The following FBXO47 variants were observed in gnomAD, a reference collection of about 807,000 sequenced individuals.
The protein encoded by FBXO47 is F-box protein 47, also known as F-box only protein 47.
FBXO47 carries 34 observed loss-of-function variants against 53.9 expected under a neutral mutation model. The ratio of observed to expected loss-of-function variants is 0.63; its 90% CI spans 0.48 to 0.84. FBXO47 has a LOEUF of 0.84. FBXO47 is among the 40% of genes least tolerant of loss of function. The probability of loss-of-function intolerance (pLI) is 0.00; values close to 1 mark genes in which losing one functional copy is unlikely to be tolerated. For synonymous variants in FBXO47, 165 were observed against 181.6 expected (o/e 0.91, Z 0.73); for missense variants, 485 against 541.3 (o/e 0.90, Z 1.03).
At chr17:38,943,913 C>T (rs9908180) in intron 7 of FBXO47, among the ~76,000 whole-genome samples, 177 bp from the exon 8 acceptor site, 57,574 of 151,954 alleles carry the variant, frequency 0.38, 11,186 homozygotes, top group East Asian at 0.5. Context: ...CGTCTCTGGC[C>T]GGGCGTGGTG....
intron 9 of FBXO47, among the ~76,000 whole-genome samples, chr17:38,939,869 T>A (rs1904431295): frequency 6.6e-6 from 1 of 150,684 alleles, no homozygotes; most frequent in Non-Finnish European, 1.5e-5. Flanking sequence ...GGGTTTCACC[T>A]TGTTAGCCAG....
At chr17:38,943,556 T>C (rs1208104715) in intron 8 of FBXO47, 34 bp downstream of exon 8, 4 of 1,327,134 alleles carry the variant, frequency 3.0e-6, no homozygotes, top group Non-Finnish European at 4.1e-6. Flanking sequence ...ACAATAAATT[T>C]CTATTATTCT....
At chr17:38,955,908 A>G (rs1484741535) in intron 4 of FBXO47, among the ~76,000 whole-genome samples, 1 of 141,142 alleles carries the variant, frequency 7.1e-6, no homozygotes, top group Non-Finnish European at 1.5e-5. Context: ...CAGCGAGCTG[A>G]GATCGTGCCA....
chr17:38,961,978 G>T lies in FBXO47; in HGVS notation c.251C>A (p.Thr84Asn). 1 of 1,613,954 alleles carries T rather than the reference G, an allele frequency of 6.2e-7. No individual in the cohort carries two copies. The highest frequency in any genetic ancestry group is 2.2e-5 in the East Asian group (1 of 44,846). Residue 84 changes from threonine (T) to asparagine (N), a missense_variant, in exon 3 of 11, where the codon ACC becomes AAC. Thr to Asn is a moderately conservative substitution (Grantham distance 65). Transcript: ENST00000378079. ...VSQHIINYIS[T>N]SSGSKRLLLQ... ...TAAAAGTCTTTTGCTTCCTGATGAG[G>T]TTGAGATATAATTAATAATGTGTTG... is the stretch of plus-strand genomic sequence containing the variant.
intron 6 of FBXO47, among the ~76,000 whole-genome samples, chr17:38,947,027 TACAA>T (rs1904960985): frequency 1.5e-5 from 2 of 136,494 alleles, no homozygotes; most frequent in African/African-American, 5.6e-5. Flanking sequence ...TATAAACATA[TACAA>T]ATATATGTAA....
chr17:38,946,151 C>T (rs1292392331), intron 6 of FBXO47, among the ~76,000 whole-genome samples: 10 of 78,302 alleles, frequency 1.3e-4, no homozygotes, highest in Non-Finnish European at 1.9e-4. Flanking sequence ...TATATAAATA[C>T]ATAAAAATAT....
chr17:38,936,604 T>TATAC lies in FBXO47; in HGVS notation c.*570_*571insGTAT, dbSNP rs1567712392. 1 of 152,152 alleles carries TATAC rather than the reference T, an allele frequency of 6.6e-6. No homozygotes were observed. The highest frequency in any genetic ancestry group is 1.9e-4 in the East Asian group (1 of 5,186). The allele number at this position is 152,152 out of a possible 1,614,324, so 9.4% of individuals were successfully genotyped here. Reference sequence around the variant, plus strand: ...CTGTGTGTGTGTGTCTATATATATATATAGACATATATGTATACTTTGTTT... The same window carrying TATAC: ...CTGTGTGTGTGTGTCTATATATATATATACATAGACATATATGTATACTTTGTTT... On this transcript the variant is annotated 3_prime_UTR_variant, in exon 11 of 11. Coordinates refer to ENST00000378079, the MANE Select transcript of FBXO47 (RefSeq NM_001008777.3).
intron 3 of FBXO47, among the ~76,000 whole-genome samples, chr17:38,959,867 T>C (rs548467644): frequency 6.6e-6 from 1 of 152,156 alleles, no homozygotes. Flanking sequence ...AACATTCCTA[T>C]GAGGGCAAAT....
At chr17:38,965,632 G>C (rs1378847092) in intron 1 of FBXO47, among the ~76,000 whole-genome samples, 1 of 149,368 alleles carries the variant, frequency 6.7e-6, no homozygotes, top group Non-Finnish European at 1.5e-5. Flanking sequence ...CCAGCACTTT[G>C]GGAGGCTGAG....
intron 5 of FBXO47, among the ~76,000 whole-genome samples, chr17:38,953,100 A>C (rs1391074580): frequency 1.4e-5 from 2 of 144,168 alleles, no homozygotes; most frequent in African/African-American, 2.6e-5. Context: ...AACATGGTGA[A>C]ACCCTGTCTC....
intron 5 of FBXO47, among the ~76,000 whole-genome samples, chr17:38,952,687 T>C (rs946758544): frequency 6.6e-6 from 1 of 152,126 alleles, no homozygotes; most frequent in Non-Finnish European, 1.5e-5. Flanking sequence ...ATATTTCACT[T>C]ACAACCATGC....
chr17:38,950,526 C>T (rs1223378822), intron 6 of FBXO47, among the ~76,000 whole-genome samples: 1 of 149,752 alleles, frequency 6.7e-6, no homozygotes, highest in Non-Finnish European at 1.5e-5. Context: ...TCTCTAACTC[C>T]TAGGCTCAAG....
At chr17:38,938,482 C>A (rs879055734) in intron 10 of FBXO47, 91 bp downstream of exon 10, 18 of 760,982 alleles carry the variant, frequency 2.4e-5, no homozygotes, top group East Asian at 3.1e-5. Context: ...TTTTTCCATT[C>A]TTGGACTGTT....
chr17:38,961,658 GA>G lies in FBXO47; in HGVS notation c.352+218del, dbSNP rs376999305. 2.8e-4 allele frequency among the ~76,000 whole-genome samples: 42 copies of G among 152,318 alleles called. No individual in the cohort carries two copies. The East Asian group carries it at 7.3e-3, about 27-fold the overall frequency. ...AGCATCGGTGACGTTATATCTATAT[GA>G]AATCTCAAGAATTGACACTTTACAT... On this transcript the variant is annotated intron_variant, in intron 3 of 10. Coordinates refer to ENST00000378079, the MANE Select transcript of FBXO47 (RefSeq NM_001008777.3).
In FBXO47 at chr17:38,957,272, A is replaced by C; in HGVS notation, c.353-19T>G. ...AGTAGACCTAAGAAAGTAAAGAGAC[A>C]TAAGAAAAAATGACAACAATACAAT... On this transcript the variant is annotated intron_variant, in intron 3 of 10. Transcript: ENST00000378079. 2 of 1,541,010 alleles carry C rather than the reference A, an allele frequency of 1.3e-6. No homozygotes were observed. The highest frequency in any genetic ancestry group is 1.8e-6 in the Non-Finnish European group (2 of 1,115,428).
chr17:38,938,503 ATC>A (rs1291475162), intron 10 of FBXO47, 68 bp downstream of exon 10: 11 of 1,110,228 alleles, frequency 9.9e-6, no homozygotes, highest in African/African-American at 6.2e-5. Flanking sequence ...AGAGAAAAAT[ATC>A]TCTGTTTTAG....
chr17:38,939,293 CAAAAAAAAAAAAAAAA>C (rs1218321299), intron 9 of FBXO47, among the ~76,000 whole-genome samples: 1 of 34,862 alleles, frequency 2.9e-5, no homozygotes, highest in African/African-American at 1.4e-4. Flanking sequence ...ACTCCATCTC[CAAAAAAAAAAAAAAAA>C]AAAAAAAAAA....
chr17:38,947,117 TAAACATATATATAA>T (rs1904985336), intron 6 of FBXO47, among the ~76,000 whole-genome samples: 1 of 120,476 alleles, frequency 8.3e-6, no homozygotes, highest in South Asian at 2.7e-4. Flanking sequence ...CATATATATA[TAAACATATATATAA>T]ATATATATAT....
rs1174079325 is a variant in FBXO47, at chr17:38,937,085, T to C, written c.*90A>G. On this transcript the variant is annotated 3_prime_UTR_variant, in exon 11 of 11. Transcript: ENST00000378079. Reference sequence around the variant, plus strand: ...CTTAGGTTACTTAGATGATAAAAAGTCCCATGGATGCTATTTTTTGAGTGA... The same window carrying C: ...CTTAGGTTACTTAGATGATAAAAAGCCCCATGGATGCTATTTTTTGAGTGA... The C allele has an allele frequency of 4.0e-6, 2 of 504,010 alleles. No homozygotes were observed. The highest frequency in any genetic ancestry group is 4.0e-5 in the African/African-American group (2 of 50,014). The allele number at this position is 504,010 out of a possible 1,614,324, so 31.2% of individuals were successfully genotyped here.
Sources: gnomAD v4.1 joint callset for allele counts (sites outside exome capture counted in the v4.1 genomes callset) on GRCh38, gnomAD v4.1.1 for gene constraint, MANE v1.5 for transcripts, NCBI Gene and HGNC (gene_info 2026-07-23, HGNC 2026-07-21) for gene names.